SRP54: variants seen among roughly 807,000 people sequenced by gnomAD.
SRP54 encodes the protein signal recognition particle subunit SRP54.
Under a neutral mutation model 64.8 loss-of-function variants are expected in SRP54, and 10 were observed. The ratio of observed to expected loss-of-function variants is 0.15; its 90% CI spans 0.10 to 0.26. The LOEUF is 0.26. Ranked by LOEUF, SRP54 falls within the 10% of genes least tolerant of loss-of-function variation. The pLI is 1.00. For missense variants in SRP54, 325 were observed against 613.7 expected (o/e 0.53, Z 4.97); for synonymous variants, 193 against 185.6 (o/e 1.04, Z -0.32).
At chr14:34,999,385 T>C (rs1278328131) in intron 2 of SRP54, among the ~76,000 whole-genome samples, 173 bp from the exon 3 acceptor site, 2 of 152,164 alleles carry the variant, frequency 1.3e-5, no homozygotes, top group Non-Finnish European at 2.9e-5. Context: ...TGGGGTCTCT[T>C]ATTTTGACAA....
At chr14:35,001,194 AGAAG>A (rs2044165845) in intron 4 of SRP54, among the ~76,000 whole-genome samples, 174 bp downstream of exon 4, 2 of 52,848 alleles carry the variant, frequency 3.8e-5, no homozygotes, top group Admixed American at 3.9e-4. Context: ...TTTTTTTTTG[AGAAG>A]GAGTTTCACT....
chr14:35,015,096 A>C (rs1318558362), intron 11 of SRP54, among the ~76,000 whole-genome samples: 1 of 152,150 alleles, frequency 6.6e-6, no homozygotes, highest in Non-Finnish European at 1.5e-5. Context: ...CTGTTTTTTA[A>C]GACAGAGTCT....
At chr14:34,986,964 G>T (rs1294972969) in intron 1 of SRP54, among the ~76,000 whole-genome samples, 2 of 151,748 alleles carry the variant, frequency 1.3e-5, no homozygotes, top group African/African-American at 4.8e-5. Context: ...GGCTGGGTGC[G>T]GTGGCTTAAG....
chr14:34,988,560 C>CAAAAAAAAAAAAAA (rs1160365086), intron 1 of SRP54, among the ~76,000 whole-genome samples: 2 of 26,360 alleles, frequency 7.6e-5, no homozygotes, highest in African/African-American at 1.6e-4. Context: ...GACTCCATCT[C>CAAAAAAAAAAAAAA]AAAAAAAAAA....
rs1317071542 is a variant in SRP54 at position 35,029,383 on chromosome 14, T to G, written c.*231T>G. 2.6e-6 allele frequency: 1 copy of G among 382,798 alleles called. No homozygotes were observed. Among genetic ancestry groups the G allele is most frequent in the Non-Finnish European group, 4.7e-6 (1 of 212,848 alleles). 23.7% of individuals were successfully genotyped at this position (382,798 alleles called of 1,614,324 possible). A position where few individuals can be genotyped will look rare whatever the true frequency, so the allele number is the denominator to read the frequency against. Reference sequence around the variant, plus strand: ...TTGTGGAAATCATTATATGTTTGCTTTAGATTTTCTTCTGTTTTCACCATC... The same window carrying G: ...TTGTGGAAATCATTATATGTTTGCTGTAGATTTTCTTCTGTTTTCACCATC... On this transcript the variant is annotated 3_prime_UTR_variant, in exon 16 of 16. Transcript: ENST00000216774.
rs111607805 is a variant in SRP54 at position 34,999,057 on chromosome 14, C to G, written c.79-501C>G. ...TGAGACAAAGTCTCACTCTGTCACCCAGGCTGGAGTGCAGTGGCACTATCT... is the reference window on the plus strand; with the variant it reads ...TGAGACAAAGTCTCACTCTGTCACCGAGGCTGGAGTGCAGTGGCACTATCT... On this transcript the variant is annotated intron_variant, in intron 2 of 15. Transcript: ENST00000216774. 1.6e-3 allele frequency among the ~76,000 whole-genome samples: 219 copies of G among 133,798 alleles called. 1 individual carries two copies. The highest frequency in any genetic ancestry group is 5.5e-3 in the African/African-American group (204 of 36,952). 87.8% of individuals were successfully genotyped at this position (133,798 alleles called of 152,430 possible). A position where few individuals can be genotyped will look rare whatever the true frequency, so the allele number is the denominator to read the frequency against.
At chr14:35,019,230 G>A (rs1414313420) in intron 13 of SRP54, 156 bp downstream of exon 13, 1 of 566,482 alleles carries the variant, frequency 1.8e-6, no homozygotes, top group Non-Finnish European at 3.1e-6. Flanking sequence ...TACTCAAAGG[G>A]TTATGATTAT....
intron 14 of SRP54, among the ~76,000 whole-genome samples, chr14:35,026,018 T>A (rs1163702527): frequency 6.7e-6 from 1 of 148,270 alleles, no homozygotes; most frequent in African/African-American, 2.5e-5. Context: ...ATCAGAGCAC[T>A]GCATTCCAGC....
At position 35,011,435 on chromosome 14, in the gene SRP54, G is replaced by A. The variant is rs2044356377; in HGVS notation, c.486-74G>A. ...TTGGCTTTTTCAAAATAGATTATAG[G>A]TAAATTAACTTTCCGAATTAGTAGT... On this transcript the variant is annotated intron_variant, in intron 7 of 15. Transcript: ENST00000216774. 4.9e-6 allele frequency: 6 copies of A among 1,218,018 alleles called. No individual in the cohort carries two copies. In the South Asian group the frequency reaches 1.1e-4, roughly 22 times the overall value. 75.5% of individuals were successfully genotyped at this position (1,218,018 alleles called of 1,614,324 possible).
At chr14:34,995,188 T>TGTGTGTGTGTGTGTGTAG (rs1555353238) in intron 1 of SRP54, among the ~76,000 whole-genome samples, 11 of 79,908 alleles carry the variant, frequency 1.4e-4, no homozygotes, top group African/African-American at 4.9e-4. Flanking sequence ...TGTGTGTGTG[T>TGTGTGTGTGTGTGTGTAG]AGAGAGAGAG....
intron 11 of SRP54, among the ~76,000 whole-genome samples, chr14:35,015,485 T>G (rs1264722722): frequency 6.6e-6 from 1 of 152,240 alleles, no homozygotes; most frequent in African/African-American, 2.4e-5. Flanking sequence ...GAGAAGGATA[T>G]TATTCTGATT....
chr14:35,022,519 G>C (rs1219662451), intron 13 of SRP54, among the ~76,000 whole-genome samples: 1 of 152,030 alleles, frequency 6.6e-6, no homozygotes, highest in African/African-American at 2.4e-5. Context: ...ACCATGCCCA[G>C]CTAATTTTTG....
chr14:34,996,919 G>T (rs1431246587), intron 2 of SRP54, 132 bp downstream of exon 2: 1 of 584,752 alleles, frequency 1.7e-6, no homozygotes, highest in Non-Finnish European at 3.0e-6. Context: ...AAGCCTAAAA[G>T]TGGATACAGT....
chr14:35,023,155 T>C (rs1368830612), intron 14 of SRP54, 75 bp downstream of exon 14: 11 of 1,295,292 alleles, frequency 8.5e-6, no homozygotes, highest in Non-Finnish European at 1.2e-5. Flanking sequence ...GCTGCCAGTA[T>C]TGGAAAATTC....
At chr14:34,986,697 G>A (rs1254195862) in intron 1 of SRP54, among the ~76,000 whole-genome samples, 1 of 152,020 alleles carries the variant, frequency 6.6e-6, no homozygotes, top group South Asian at 2.1e-4. Context: ...GGCCAAGATA[G>A]TGAAAACCCA....
rs1011870193 is a variant in SRP54, at chr14:34,991,114, T to C, written c.-33-5563T>C. ...GTGCAGGTTAAATTTCTTTTCTTTT[T>C]TTTTTTTTTTTTTTTGTTGTTGTTG... On this transcript the variant is annotated intron_variant, in intron 1 of 15. Transcript: ENST00000216774. Among the ~76,000 whole-genome samples, 576 of 123,984 alleles carry C rather than the reference T, an allele frequency of 4.6e-3. 6 individuals carry two copies. Among genetic ancestry groups the C allele is most frequent in the African/African-American group, 0.015 (543 of 35,292 alleles). The allele number at this position is 123,984 out of a possible 152,430, so 81.3% of individuals were successfully genotyped here. A position where few individuals can be genotyped will look rare whatever the true frequency, so the allele number is the denominator to read the frequency against.
intron 10 of SRP54, 147 bp downstream of exon 10, chr14:35,014,049 T>G: frequency 1.6e-6 from 1 of 620,626 alleles, no homozygotes; most frequent in Non-Finnish European, 2.7e-6. Flanking sequence ...ATAGAGATAA[T>G]GGTTATCTGC....
chr14:34,983,012 G>C lies in SRP54; in HGVS notation c.-237G>C, dbSNP rs1421133760. 1 of 152,364 alleles carries C rather than the reference G, an allele frequency of 6.6e-6. No homozygotes were observed. Among genetic ancestry groups the C allele is most frequent in the Non-Finnish European group, 1.5e-5 (1 of 68,162 alleles). The allele number at this position is 152,364 out of a possible 1,614,324, so 9.4% of individuals were successfully genotyped here. A position where few individuals can be genotyped will look rare whatever the true frequency, so the allele number is the denominator to read the frequency against. ...TCCTCATTGGGCGGAAGGTTCGCTG[G>C]CACTCCGTTGGTCTTCCAGCTGGTG... On this transcript the variant is annotated 5_prime_UTR_variant, in exon 1 of 16. Transcript: ENST00000216774.
At chr14:34,990,556 T>C (rs967181293) in intron 1 of SRP54, among the ~76,000 whole-genome samples, 2 of 152,242 alleles carry the variant, frequency 1.3e-5, no homozygotes, top group African/African-American at 4.8e-5. Flanking sequence ...CCCATCTAAG[T>C]AGAGATTCTT....
Sources: gnomAD v4.1 joint callset for allele counts (sites outside exome capture counted in the v4.1 genomes callset) on GRCh38, gnomAD v4.1.1 for gene constraint, MANE v1.5 for transcripts, NCBI Gene and HGNC (gene_info 2026-07-23, HGNC 2026-07-21) for gene names.